The following ZPLD1 variants were observed in gnomAD, a reference collection of about 807,000 sequenced individuals.
ZPLD1 encodes zona pellucida-like domain-containing protein 1.
A neutral mutation model predicts 47.2 loss-of-function variants in ZPLD1; 34 were observed. The ratio of observed to expected loss-of-function variants is 0.72; its 90% CI spans 0.55 to 0.96. The LOEUF is 0.96. ZPLD1 is among the 40% of genes least tolerant of loss of function. The pLI is 0.00. For synonymous variants in ZPLD1, 176 were observed against 186.2 expected (o/e 0.95, Z 0.45); for missense variants, 512 against 505.8 (o/e 1.01, Z -0.12).
In ZPLD1 at chr3:102,477,904, TA is replaced by T. The variant is rs1707783086; in HGVS notation, c.*287del. The T allele has an allele frequency of 4.2e-6, 1 of 235,354 alleles. No homozygotes were observed. Among genetic ancestry groups the T allele is most frequent in the Non-Finnish European group, 8.1e-6 (1 of 123,014 alleles). 14.6% of individuals were successfully genotyped at this position (235,354 alleles called of 1,614,324 possible). A position where few individuals can be genotyped will look rare whatever the true frequency, so the allele number is the denominator to read the frequency against. ...TTACAGGATCAGTAATATTTCATTT[TA>T]TTTCAGTTTTCTTTTGATTGTTGGT... On this transcript the variant is annotated 3_prime_UTR_variant, in exon 12 of 12. Coordinates refer to ENST00000466937, the MANE Select transcript of ZPLD1 (RefSeq NM_001329788.2).
At chr3:102,463,608 G>A (rs1458748099) in intron 7 of ZPLD1, among the ~76,000 whole-genome samples, 1 of 152,088 alleles carries the variant, frequency 6.6e-6, no homozygotes, top group Non-Finnish European at 1.5e-5. Flanking sequence ...TACATAGTAG[G>A]TGTATATATT....
chr3:102,461,068 G>A (rs557389531), intron 6 of ZPLD1, among the ~76,000 whole-genome samples: 91 of 151,912 alleles, frequency 6.0e-4, no homozygotes, highest in African/African-American at 2.0e-3. Flanking sequence ...AAAATGTTTC[G>A]TATTAACTTT....
At chr3:102,427,453 C>T (rs1296536560) in intron 8 of ZPLD1, among the ~76,000 whole-genome samples, 1 of 152,058 alleles carries the variant, frequency 6.6e-6, no homozygotes, top group Non-Finnish European at 1.5e-5. Context: ...CTTCAATTGT[C>T]ATGGATAAAG....
In ZPLD1 at chr3:102,478,760, G is replaced by C. The variant is rs1053099876; in HGVS notation, c.*1142G>C. The stretch of plus-strand genomic sequence containing the variant: ...AGTTTTGCAAAAAAGCAAGCTTTAA[G>C]CAGCCCATGTTCTTACAAAAAAAAT... On this transcript the variant is annotated 3_prime_UTR_variant, in exon 12 of 12. Coordinates refer to ENST00000466937, the MANE Select transcript of ZPLD1 (RefSeq NM_001329788.2). The C allele has an allele frequency of 6.6e-6, 1 of 152,028 alleles. No individual in the cohort carries two copies. The highest frequency in any genetic ancestry group is 1.5e-5 in the Non-Finnish European group (1 of 68,010). 9.4% of individuals were successfully genotyped at this position (152,028 alleles called of 1,614,324 possible).
At chr3:102,409,423 T>A (rs1576130113) in intron 7 of ZPLD1, among the ~76,000 whole-genome samples, 1 of 151,792 alleles carries the variant, frequency 6.6e-6, no homozygotes, top group African/African-American at 2.4e-5. Flanking sequence ...AATTTCAACA[T>A]GGGTTTTGGA....
Position 102,479,325 on chromosome 3 carries a change from A to G in ZPLD1, c.*1707A>G, listed in dbSNP as rs7647414. On this transcript the variant is annotated 3_prime_UTR_variant, in exon 12 of 12. Coordinates refer to ENST00000466937, the MANE Select transcript of ZPLD1 (RefSeq NM_001329788.2). ...CCATACTACTAATGTGACCCTGTAT[A>G]TACATGGATAGTATTGAAATATGCT... 0.9 allele frequency: 137,625 copies of G among 152,248 alleles called. 62,382 individuals carry two copies. Among genetic ancestry groups the G allele is most frequent in the African/African-American group, 0.96 (39,889 of 41,554 alleles). 9.4% of individuals were successfully genotyped at this position (152,248 alleles called of 1,614,324 possible).
At chr3:102,394,207 G>A (rs1342567292) in intron 7 of ZPLD1, among the ~76,000 whole-genome samples, 1 of 152,110 alleles carries the variant, frequency 6.6e-6, no homozygotes, top group Non-Finnish European at 1.5e-5. Flanking sequence ...AGACCTGCTA[G>A]GGCATCTATT....
At chr3:102,393,678 T>C (rs1576123249) in intron 7 of ZPLD1, among the ~76,000 whole-genome samples, 1 of 151,988 alleles carries the variant, frequency 6.6e-6, no homozygotes, top group Non-Finnish European at 1.5e-5. Flanking sequence ...ATAAAACACT[T>C]AGGTTTGAAA....
intron 7 of ZPLD1, among the ~76,000 whole-genome samples, chr3:102,415,229 T>C (rs1005523389): frequency 6.6e-6 from 1 of 151,880 alleles, no homozygotes; most frequent in Admixed American, 6.6e-5. Flanking sequence ...GAAAAGCCTA[T>C]AGCTCTCCTA....
chr3:102,389,890 T>C (rs528963116), intron 6 of ZPLD1, among the ~76,000 whole-genome samples: 26 of 152,346 alleles, frequency 1.7e-4, no homozygotes, highest in African/African-American at 5.8e-4. Flanking sequence ...CTGATGCTGA[T>C]TGAAAGAAGA....
upstream of ZPLD1, among the ~76,000 whole-genome samples, chr3:102,432,902 C>T (rs1221590727): frequency 1.3e-5 from 2 of 152,150 alleles, no homozygotes; most frequent in East Asian, 1.9e-4. Flanking sequence ...AGTTATATAT[C>T]TCTGACCACT....
intron 8 of ZPLD1, among the ~76,000 whole-genome samples, chr3:102,427,808 A>G (rs1245412532): frequency 1.3e-5 from 2 of 152,214 alleles, no homozygotes. Flanking sequence ...CAACATGAAG[A>G]CACAAATATC....
intron 8 of ZPLD1, among the ~76,000 whole-genome samples, chr3:102,426,111 T>TACACAC (rs997937527): frequency 6.9e-6 from 1 of 144,128 alleles, no homozygotes; most frequent in Non-Finnish European, 1.5e-5. Context: ...ACATATTTCC[T>TACACAC]ACACACACAC....
chr3:102,398,452 G>A, intron 7 of ZPLD1, among the ~76,000 whole-genome samples: 1 of 152,080 alleles, frequency 6.6e-6, no homozygotes, highest in East Asian at 1.9e-4. Flanking sequence ...GGGTGATAAT[G>A]AGATCTCTTC....
intron 7 of ZPLD1, among the ~76,000 whole-genome samples, chr3:102,403,055 A>C (rs983243690): frequency 6.6e-6 from 1 of 151,772 alleles, no homozygotes; most frequent in Non-Finnish European, 1.5e-5. Context: ...CCCCTACTTT[A>C]TTATTATTAT....
Position 102,477,490 on chromosome 3 carries a change from CTGA to C in ZPLD1, c.1122_1124del (p.Ile375del). 6.2e-7 allele frequency: 1 copy of C among 1,613,816 alleles called. No homozygotes were observed. Among genetic ancestry groups the C allele is most frequent in the Non-Finnish European group, 8.5e-7 (1 of 1,179,762 alleles). ...CCAGCTGAACGCCATCACCAGCGCACTGATATCAGGAATGGTCATTCTGGGAGT... is the reference window on the plus strand; with the variant it reads ...CCAGCTGAACGCCATCACCAGCGCACTATCAGGAATGGTCATTCTGGGAGT... On this transcript the variant is annotated inframe_deletion, in exon 12 of 12. Transcript: ENST00000466937.
At chr3:102,399,913 G>C (rs552553314) in intron 7 of ZPLD1, among the ~76,000 whole-genome samples, 1 of 151,916 alleles carries the variant, frequency 6.6e-6, no homozygotes, top group African/African-American at 2.4e-5. Flanking sequence ...TTACATCCCA[G>C]GTTCAAGCAA....
At chr3:102,429,467 C>T (rs1706989671) in intron 8 of ZPLD1, among the ~76,000 whole-genome samples, 1 of 152,176 alleles carries the variant, frequency 6.6e-6, no homozygotes, top group African/African-American at 2.4e-5. Flanking sequence ...TGGAATATAA[C>T]AACCAAATGT....
intron 7 of ZPLD1, among the ~76,000 whole-genome samples, chr3:102,414,902 G>T (rs1267295955): frequency 1.3e-5 from 2 of 151,800 alleles, no homozygotes; most frequent in Non-Finnish European, 2.9e-5. Context: ...AAAATAATAT[G>T]TACAATACAA....
Sources: gnomAD v4.1 joint callset for allele counts (sites outside exome capture counted in the v4.1 genomes callset) on GRCh38, gnomAD v4.1.1 for gene constraint, MANE v1.5 for transcripts, NCBI Gene and HGNC (gene_info 2026-07-23, HGNC 2026-07-21) for gene names.